The following EPB41 variants were observed in gnomAD, a reference collection of about 807,000 sequenced individuals.
EPB41 encodes the protein erythrocyte membrane protein band 4.1, also known as protein 4.1.
EPB41 carries 65 observed loss-of-function variants against 108.0 expected under a neutral mutation model. The ratio of observed to expected loss-of-function variants is 0.60; its 90% CI spans 0.49 to 0.74. The LOEUF is 0.74. Ranked by LOEUF, EPB41 falls within the 30% of genes least tolerant of loss-of-function variation. EPB41 has a pLI of 0.00. For missense variants in EPB41, 875 were observed against 1,037.0 expected (o/e 0.84, Z 2.15); for synonymous variants, 336 against 358.9 (o/e 0.94, Z 0.72).
intron 7 of EPB41, among the ~76,000 whole-genome samples, chr1:29,029,170 T>C (rs1483314237): frequency 6.6e-6 from 1 of 152,032 alleles, no homozygotes; most frequent in African/African-American, 2.4e-5. Flanking sequence ...ACTACAAAAC[T>C]TTCCTGAAAT....
chr1:28,904,203 A>G lies in EPB41; in HGVS notation c.-8+16993A>G, dbSNP rs536179974. ...TTTTTTTTTTAAACTTTTTCTTGCC[A>G]TCACTCAAGTATGGGATCATAATGA... On this transcript the variant is annotated intron_variant, in intron 1 of 16. Coordinates refer to the EPB41 transcript ENST00000347529. 5.7e-4 allele frequency among the ~76,000 whole-genome samples: 79 copies of G among 139,578 alleles called. 1 individual carries two copies. The South Asian group carries it at 0.011, about 20-fold the overall frequency. The allele number at this position is 139,578 out of a possible 152,430, so 91.6% of individuals were successfully genotyped here. A position where few individuals can be genotyped will look rare whatever the true frequency, so the allele number is the denominator to read the frequency against.
At chr1:28,916,627 A>G (rs2092692752) in intron 1 of EPB41, among the ~76,000 whole-genome samples, 1 of 152,130 alleles carries the variant, frequency 6.6e-6, no homozygotes, top group Admixed American at 6.5e-5. Flanking sequence ...ACAGAGCAAA[A>G]CTGTCTCAAA....
chr1:28,997,337 A>G lies in EPB41; in HGVS notation c.786+18A>G. 1 of 1,477,676 alleles carries G rather than the reference A, an allele frequency of 6.8e-7. No individual in the cohort carries two copies. Among genetic ancestry groups the G allele is most frequent in the Non-Finnish European group, 9.5e-7 (1 of 1,055,572 alleles). 91.5% of individuals were successfully genotyped at this position (1,477,676 alleles called of 1,614,324 possible). ...CCTCTAAGGTGAGGAGACTGCTTGC[A>G]ATTTAAGAAGCTGACAAAAAATTTA... On this transcript the variant is annotated intron_variant, in intron 4 of 20. Coordinates refer to ENST00000343067, the MANE Select transcript of EPB41 (RefSeq NM_001376013.1).
chr1:28,933,354 A>G (rs1378110418), intron 1 of EPB41, among the ~76,000 whole-genome samples: 2 of 152,218 alleles, frequency 1.3e-5, no homozygotes, highest in African/African-American at 4.8e-5. Context: ...ATGAATCATA[A>G]AGTCAGACTG....
chr1:29,111,676 A>T (rs1460790474), intron 18 of EPB41, among the ~76,000 whole-genome samples: 1 of 151,348 alleles, frequency 6.6e-6, no homozygotes, highest in African/African-American at 2.4e-5. Context: ...ATAAATAAAT[A>T]AAAAAGATTG....
rs2096202036 is a variant in EPB41 at position 28,997,271 on chromosome 1, G to T, written c.738G>T (p.Leu246Phe). 1 of 1,613,994 alleles carries T rather than the reference G, an allele frequency of 6.2e-7. No homozygotes were observed. Among genetic ancestry groups the T allele is most frequent in the African/African-American group, 1.3e-5 (1 of 74,906 alleles). Residue 246 changes from leucine (L) to phenylalanine (F), a missense_variant, in exon 4 of 21, where the codon TTG (leucine) becomes TTT (phenylalanine). Physicochemically the swap from Leu to Phe is conservative, Grantham distance 22. Transcript: ENST00000343067. Reference protein sequence around the residue: ...LKRVCEHLNLLEEDYFGLAIW... With the variant: ...LKRVCEHLNLFEEDYFGLAIW... Reference sequence around the variant, plus strand: ...GAGTATGTGAGCATCTCAATCTTTTGGAAGAAGACTATTTTGGTCTAGCCA... The same window carrying T: ...GAGTATGTGAGCATCTCAATCTTTTTGAAGAAGACTATTTTGGTCTAGCCA...
At chr1:29,022,372 TA>T (rs370103452) in intron 7 of EPB41, among the ~76,000 whole-genome samples, 1,331 of 111,522 alleles carry the variant, frequency 0.012, 6 homozygotes, top group East Asian at 0.036. Context: ...ATTGATATAA[TA>T]AAAAAAAAAA....
intron 1 of EPB41, among the ~76,000 whole-genome samples, chr1:28,983,506 CCT>C (rs2095803788): frequency 6.6e-6 from 1 of 152,058 alleles, no homozygotes; most frequent in South Asian, 2.1e-4. Context: ...GAATCAGACC[CCT>C]TATAGTGAAG....
intron 1 of EPB41, among the ~76,000 whole-genome samples, chr1:28,962,985 T>A (rs2095262026): frequency 6.6e-6 from 1 of 152,216 alleles, no homozygotes; most frequent in East Asian, 1.9e-4. Context: ...ATTTATATTT[T>A]TTCTTTTAAT....
At position 29,023,792 on chromosome 1, in the gene EPB41, A is replaced by G. The variant is rs142360136; in HGVS notation, c.1124+5350A>G. Reference sequence around the variant, plus strand: ...CTGAGATCAAAAAAGTTTGAGAACCACTGAGTTGGGGCAATAGGGCACCAT... The same window carrying G: ...CTGAGATCAAAAAAGTTTGAGAACCGCTGAGTTGGGGCAATAGGGCACCAT... On this transcript the variant is annotated intron_variant, in intron 7 of 20. Transcript: ENST00000343067. Among the ~76,000 whole-genome samples, 589 of 152,134 alleles carry G rather than the reference A, an allele frequency of 3.9e-3. 14 individuals carry two copies. Among genetic ancestry groups the G allele is most frequent in the African/African-American group, 0.013 (538 of 41,388 alleles).
rs1159134627 is a variant in EPB41, at chr1:28,987,868, C to T, written c.431C>T (p.Ser144Phe). The part of the protein sequence containing the change: ...APEPELKTDP[S>F]LDLHSLSSAE... Reference sequence around the variant, plus strand: ...GAACCGGAACTCAAAACAGACCCATCTTTGGATCTTCATTCATTAAGCAGT... The same window carrying T: ...GAACCGGAACTCAAAACAGACCCATTTTTGGATCTTCATTCATTAAGCAGT... The change falls in exon 2 of 21, where the codon TCT becomes TTT. Residue 144 changes from serine to phenylalanine, a missense_variant. Coordinates refer to ENST00000343067, the MANE Select transcript of EPB41 (RefSeq NM_001376013.1). 2 of 1,614,206 alleles carry T rather than the reference C, an allele frequency of 1.2e-6. No individual in the cohort carries two copies. Among genetic ancestry groups the T allele is most frequent in the South Asian group, 2.2e-5 (2 of 91,082 alleles).
At chr1:29,061,351 G>T (rs1426101991) in intron 15 of EPB41, among the ~76,000 whole-genome samples, 1 of 151,970 alleles carries the variant, frequency 6.6e-6, no homozygotes, top group African/African-American at 2.4e-5. Flanking sequence ...CTTACTGCAA[G>T]CTCCGCTTCC....
At chr1:29,091,240 A>G (rs1013844332) in intron 16 of EPB41, among the ~76,000 whole-genome samples, 15 of 152,208 alleles carry the variant, frequency 9.9e-5, no homozygotes, top group African/African-American at 2.9e-4. Flanking sequence ...TTACTTGATT[A>G]TCTTAGGTAT....
intron 17 of EPB41, among the ~76,000 whole-genome samples, chr1:29,108,492 A>G (rs758966321): frequency 2.6e-5 from 4 of 151,920 alleles, no homozygotes; most frequent in Non-Finnish European, 4.4e-5. Flanking sequence ...ACTCAGTGCT[A>G]AGGAAACTAT....
intron 1 of EPB41, among the ~76,000 whole-genome samples, chr1:28,958,819 C>CAAAAAAAAAAAAAAAAAAAAA (rs35105287): frequency 1.5e-5 from 1 of 65,762 alleles, no homozygotes; most frequent in African/African-American, 5.8e-5. Context: ...ACCCTGTCTC[C>CAAAAAAAAAAAAAAAAAAAAA]AAAAAAAAAA....
At chr1:29,068,605 G>C (rs1236901729) in intron 16 of EPB41, 1 of 495,620 alleles carries the variant, frequency 2.0e-6, no homozygotes, top group East Asian at 3.5e-5. Flanking sequence ...CTACTTTCTG[G>C]CATATCTTAC....
chr1:28,915,075 A>G (rs1434585386), intron 1 of EPB41, among the ~76,000 whole-genome samples: 7 of 128,786 alleles, frequency 5.4e-5, no homozygotes, highest in Non-Finnish European at 5.0e-5. Flanking sequence ...CGGGTGCGTC[A>G]ATCACGGTGC....
intron 11 of EPB41, among the ~76,000 whole-genome samples, chr1:29,050,177 C>G (rs1280406496): frequency 6.6e-6 from 1 of 152,234 alleles, no homozygotes; most frequent in East Asian, 1.9e-4. Context: ...TGGCTTTTGC[C>G]TCTGTTCCAC....
chr1:28,990,526 TC>T (rs2095993468), intron 2 of EPB41, among the ~76,000 whole-genome samples: 1 of 151,864 alleles, frequency 6.6e-6, no homozygotes, highest in Non-Finnish European at 1.5e-5. Context: ...GCTCAAGCTA[TC>T]CTCCCATCTC....
Sources: allele counts gnomAD v4.1 joint callset (sites outside exome capture counted in the v4.1 genomes callset), GRCh38; gene constraint gnomAD v4.1.1; transcripts MANE v1.5; gene names NCBI Gene and HGNC (gene_info 2026-07-23, HGNC 2026-07-21).